The following SNX29 variants were observed in gnomAD, a reference collection of about 807,000 sequenced individuals.
SNX29 encodes the protein sorting nexin 29, also known as sorting nexin-29.
Under a neutral mutation model 102.1 loss-of-function variants are expected in SNX29, and 78 were observed. The observed-to-expected ratio is 0.76, with a 90% CI of 0.64 to 0.92. The LOEUF is 0.92. SNX29 is among the 40% of genes least tolerant of loss of function. The pLI is 0.00. For synonymous variants in SNX29, 580 were observed against 414.5 expected, an observed-to-expected ratio of 1.40 and a Z score of -4.85; for missense variants, 1,280 against 1,061.7, an observed-to-expected ratio of 1.21 and a Z score of -2.86.
chr16:12,119,070 C>T (rs1339176214), intron 11 of SNX29, among the ~76,000 whole-genome samples: 1 of 152,184 alleles, frequency 6.6e-6, no homozygotes. Flanking sequence ...ATCTCTTGGA[C>T]CTGTGTGGTA....
At chr16:12,370,288 C>T (rs950336047) in intron 16 of SNX29, among the ~76,000 whole-genome samples, 5 of 151,598 alleles carry the variant, frequency 3.3e-5, no homozygotes, top group Middle Eastern at 3.2e-3. Flanking sequence ...TGGCTGGGTG[C>T]GGTGGCTCAC....
chr16:12,553,937 C>A (rs937243655), intron 20 of SNX29, among the ~76,000 whole-genome samples: 1 of 152,122 alleles, frequency 6.6e-6, no homozygotes, highest in African/African-American at 2.4e-5. Flanking sequence ...AAGCAATTCT[C>A]CTGCCTCAGC....
chr16:12,303,285 A>C (rs1480051536), intron 15 of SNX29, among the ~76,000 whole-genome samples: 1 of 152,236 alleles, frequency 6.6e-6, no homozygotes, highest in Non-Finnish European at 1.5e-5. Context: ...ACACCAGGAG[A>C]AACACAGCCA....
chr16:12,281,902 C>G (rs2079442554), intron 15 of SNX29, among the ~76,000 whole-genome samples: 1 of 151,774 alleles, frequency 6.6e-6, no homozygotes, highest in African/African-American at 2.4e-5. Flanking sequence ...GAAACTATGT[C>G]TGCCAGATAG....
chr16:12,368,348 G>C (rs1208065711), intron 16 of SNX29, among the ~76,000 whole-genome samples: 1 of 152,210 alleles, frequency 6.6e-6, no homozygotes, highest in Non-Finnish European at 1.5e-5. Flanking sequence ...CAAATAGAAA[G>C]CATTGGCAAG....
chr16:12,460,288 G>A (rs1290986177), intron 18 of SNX29, among the ~76,000 whole-genome samples: 2 of 152,208 alleles, frequency 1.3e-5, no homozygotes, highest in African/African-American at 4.8e-5. Context: ...TGTCTGCTGG[G>A]CATAGTGATT....
chr16:12,060,865 T>C, intron 8 of SNX29: 1 of 456,232 alleles, frequency 2.2e-6, no homozygotes, highest in Non-Finnish European at 4.4e-6. Flanking sequence ...TAACAGATCA[T>C]ATGAGCATGG....
intron 1 of SNX29, among the ~76,000 whole-genome samples, chr16:11,996,271 C>G (rs954930531): frequency 6.6e-6 from 1 of 152,092 alleles, no homozygotes; most frequent in African/African-American, 2.4e-5. Flanking sequence ...GTAGTCCCAG[C>G]TACTCGGAGG....
intron 18 of SNX29, among the ~76,000 whole-genome samples, chr16:12,410,036 C>G (rs971831476): frequency 6.6e-6 from 1 of 151,884 alleles, no homozygotes; most frequent in African/African-American, 2.4e-5. Context: ...GCTCTGTCAC[C>G]CAGGCTGGAG....
intron 15 of SNX29, among the ~76,000 whole-genome samples, chr16:12,336,629 G>T (rs2081458895): frequency 6.6e-6 from 1 of 152,202 alleles, no homozygotes; most frequent in Admixed American, 6.5e-5. Flanking sequence ...TTCCATTTTA[G>T]AGATGGAACA....
In SNX29 at chr16:12,007,808, A is replaced by G. The variant is rs143824169; in HGVS notation, c.122+4765A>G. Among the ~76,000 whole-genome samples the G allele has an allele frequency of 7.0e-3, 1,063 of 152,270 alleles. 9 individuals carry two copies. The highest frequency in any genetic ancestry group is 0.024 in the African/African-American group (1,002 of 41,550). On this transcript the variant is annotated intron_variant, in intron 3 of 20. Coordinates refer to ENST00000566228, the MANE Select transcript of SNX29 (RefSeq NM_032167.5). ...GATTCCCTCACCTCATGCTCCCTTGAAACCTCCCAGCTGCCTTGTCTTTGC... is the reference window on the plus strand; with the variant it reads ...GATTCCCTCACCTCATGCTCCCTTGGAACCTCCCAGCTGCCTTGTCTTTGC...
intron 20 of SNX29, among the ~76,000 whole-genome samples, chr16:12,536,729 AC>A (rs1161855053): frequency 6.6e-5 from 10 of 152,118 alleles, no homozygotes; most frequent in Non-Finnish European, 1.2e-4. Context: ...TGTAATCTCA[AC>A]ACTTTGGGAG....
chr16:12,570,811 C>T lies in SNX29; in HGVS notation c.*2182C>T, dbSNP rs2079171852. On this transcript the variant is annotated 3_prime_UTR_variant, in exon 21 of 21. Transcript: ENST00000566228. Reference sequence around the variant, plus strand: ...TCCCCCATTGCTGAGAGATACTAACCCGTGAGAAACAAGTATGCTCTCAGC... The same window carrying T: ...TCCCCCATTGCTGAGAGATACTAACTCGTGAGAAACAAGTATGCTCTCAGC... 1 of 232,454 alleles carries T rather than the reference C, an allele frequency of 4.3e-6. No homozygotes were observed. Among genetic ancestry groups the T allele is most frequent in the East Asian group, 6.1e-5 (1 of 16,472 alleles). 14.4% of individuals were successfully genotyped at this position (232,454 alleles called of 1,614,324 possible).
chr16:12,010,710 C>G (rs1452024084), intron 3 of SNX29, among the ~76,000 whole-genome samples: 3 of 151,880 alleles, frequency 2.0e-5, no homozygotes, highest in Non-Finnish European at 4.4e-5. Flanking sequence ...AGCATTTCTT[C>G]TCCTTTCAAA....
chr16:12,062,864 C>T (rs1474022256), intron 9 of SNX29, among the ~76,000 whole-genome samples: 3 of 152,228 alleles, frequency 2.0e-5, no homozygotes, highest in South Asian at 2.1e-4. Context: ...GGCAGCAGGA[C>T]GGGGCCAGTC....
Position 12,199,589 on chromosome 16 carries a change from T to C in SNX29, c.1596-12T>C. 1 of 1,607,436 alleles carries C rather than the reference T, an allele frequency of 6.2e-7. No homozygotes were observed. The highest frequency in any genetic ancestry group is 8.5e-7 in the Non-Finnish European group (1 of 1,176,416). The stretch of plus-strand genomic sequence containing the variant: ...TTAAATATATATTTTTTTAACATTC[T>C]TGTACCTGCAGAGAGAACGAGGTGC... On this transcript the variant is annotated splice_polypyrimidine_tract_variant and intron_variant, in intron 13 of 20. Coordinates refer to ENST00000566228, the MANE Select transcript of SNX29 (RefSeq NM_032167.5).
intron 19 of SNX29, among the ~76,000 whole-genome samples, chr16:12,518,674 G>A (rs982053930): frequency 2.0e-5 from 3 of 152,146 alleles, no homozygotes; most frequent in African/African-American, 7.2e-5. Context: ...TAAACTCCTC[G>A]AGGAAAAGGA....
rs150584559 is a variant in SNX29, at chr16:12,279,157, G to T, written c.1782+1121G>T. Among the ~76,000 whole-genome samples, 498 of 152,148 alleles carry T rather than the reference G, an allele frequency of 3.3e-3. 1 individual carries two copies. Among genetic ancestry groups the T allele is most frequent in the Non-Finnish European group, 5.6e-3 (384 of 67,998 alleles). On this transcript the variant is annotated intron_variant, in intron 15 of 20. Coordinates refer to ENST00000566228, the MANE Select transcript of SNX29 (RefSeq NM_032167.5). ...ATGCTAAGTATACAAGCAAACTTTC[G>T]GTTCTTTCTAAATCTTCTACAGTGA...
rs541688306 is a variant in SNX29 at position 12,561,636 on chromosome 16, AAAG to A, written c.2319-6867_2319-6865del. ...CAGTGTACCCCAAGAGGCTTATTAA[AAAG>A]AACAGCCACTCCTGGGGCCCTCTGA... On this transcript the variant is annotated intron_variant, in intron 20 of 20. Coordinates refer to ENST00000566228, the MANE Select transcript of SNX29 (RefSeq NM_032167.5). Among the ~76,000 whole-genome samples, 93 of 152,306 alleles carry A rather than the reference AAAG, an allele frequency of 6.1e-4. 1 individual carries two copies. Among genetic ancestry groups the A allele is most frequent in the African/African-American group, 2.1e-3 (88 of 41,564 alleles).
Sources: gnomAD v4.1 joint callset for allele counts (sites outside exome capture counted in the v4.1 genomes callset) on GRCh38, gnomAD v4.1.1 for gene constraint, MANE v1.5 for transcripts, NCBI Gene and HGNC (gene_info 2026-07-23, HGNC 2026-07-21) for gene names.